P2RY8: variants seen among roughly 807,000 people sequenced by gnomAD.
P2RY8 encodes the protein S-geranylgeranyl-glutathione receptor P2RY8.
Under a neutral mutation model 10.0 loss-of-function variants are expected in P2RY8, and 6 were observed. The ratio of observed to expected loss-of-function variants is 0.60; its 90% CI spans 0.33 to 1.19. P2RY8 has a LOEUF of 1.19. P2RY8 is among the 50% of genes most tolerant of loss of function. The pLI is 0.04. For missense variants in P2RY8, 456 were observed against 542.0 expected (o/e 0.84, Z 1.58); for synonymous variants, 276 against 252.5 (o/e 1.09, Z -0.88).
Position 1,497,979 on chromosome X carries a change from G to C in P2RY8, c.-24-31397C>G, listed in dbSNP as rs761447300. Among the ~76,000 whole-genome samples the C allele has an allele frequency of 2.6e-5, 4 of 152,162 alleles. No homozygotes were observed. The South Asian group carries it at 8.3e-4, about 32-fold the overall frequency. ...GAGGGATGAGCAGTACACTCCCGCC[G>C]GGTGCCAGCCAACAGACACGGAGAG... On this transcript the variant is annotated intron_variant, in intron 1 of 1. Coordinates refer to ENST00000381297, the MANE Select transcript of P2RY8 (RefSeq NM_178129.5).
At chrX:1,503,588 C>T (rs1315287679) in intron 1 of P2RY8, among the ~76,000 whole-genome samples, 10 of 151,770 alleles carry the variant, frequency 6.6e-5, no homozygotes, top group African/African-American at 1.7e-4. Context: ...TGGTAAACCC[C>T]GTCTCTACTA....
intron 1 of P2RY8, among the ~76,000 whole-genome samples, chrX:1,511,076 A>T (rs1396011085): frequency 1.3e-5 from 2 of 151,892 alleles, no homozygotes; most frequent in African/African-American, 4.8e-5. Flanking sequence ...GCTACTCAGG[A>T]GGCTGAGGCA....
chrX:1,511,728 A>G (rs1471689739), intron 1 of P2RY8, among the ~76,000 whole-genome samples: 1 of 152,202 alleles, frequency 6.6e-6, no homozygotes, highest in Non-Finnish European at 1.5e-5. Context: ...TCTTGACGGC[A>G]CTGAGCATTG....
At chrX:1,515,955 G>GGC (rs1556684148) in intron 1 of P2RY8, among the ~76,000 whole-genome samples, 1 of 113,592 alleles carries the variant, frequency 8.8e-6, no homozygotes, top group African/African-American at 2.9e-5. Flanking sequence ...GTCGGGGGGT[G>GGC]GTGGATCACC....
At chrX:1,478,960 C>T (rs1329715707) in intron 1 of P2RY8, among the ~76,000 whole-genome samples, 1 of 152,222 alleles carries the variant, frequency 6.6e-6, no homozygotes, top group East Asian at 1.9e-4. Flanking sequence ...GGGGTTGATA[C>T]CACCACTTCC....
At chrX:1,491,665 G>A (rs1216814442) in intron 1 of P2RY8, among the ~76,000 whole-genome samples, 1 of 152,132 alleles carries the variant, frequency 6.6e-6, no homozygotes, top group African/African-American at 2.4e-5. Context: ...ATGAATGAAT[G>A]CCACTCTGAG....
intron 1 of P2RY8, among the ~76,000 whole-genome samples, chrX:1,484,434 T>A (rs2091967712): frequency 1.3e-5 from 2 of 151,866 alleles, no homozygotes; most frequent in South Asian, 4.2e-4. Context: ...GCACAAGAAA[T>A]TAACATTACA....
In P2RY8 at chrX:1,465,976, A is replaced by G. The variant is rs1356968948; in HGVS notation, c.583T>C (p.Phe195Leu). ...PSVAMWAVFL[F>L]TIFILLFLIP... ...AGGAACAGCAGGATGAAGATGGTGA[A>G]GAGGAACACGGCCCACATGGCCACG... is the stretch of plus-strand genomic sequence containing the variant. Residue 195 changes from phenylalanine (F) to leucine (L), a missense_variant, in exon 2 of 2, where the codon TTC becomes CTC. Transcript: ENST00000381297. 1 of 1,612,302 alleles carries G rather than the reference A, an allele frequency of 6.2e-7. No individual in the cohort carries two copies. The highest frequency in any genetic ancestry group is 1.3e-5 in the African/African-American group (1 of 74,900).
intron 1 of P2RY8, among the ~76,000 whole-genome samples, chrX:1,507,678 G>GC (rs1199982755): frequency 1.3e-5 from 2 of 152,008 alleles, no homozygotes; most frequent in Non-Finnish European, 2.9e-5. Context: ...CGCGATTTCC[G>GC]CCCCCCTGCC....
chrX:1,502,839 C>T (rs1450517498), intron 1 of P2RY8, among the ~76,000 whole-genome samples: 2 of 149,384 alleles, frequency 1.3e-5, no homozygotes, highest in African/African-American at 2.5e-5. Flanking sequence ...ATGACGCGGC[C>T]ACAAGCCCAG....
At chrX:1,480,296 C>CTT (rs10715183) in intron 1 of P2RY8, among the ~76,000 whole-genome samples, 1 of 147,266 alleles carries the variant, frequency 6.8e-6, no homozygotes, top group African/African-American at 2.5e-5. Context: ...TCTTTTCTTT[C>CTT]TTTTTTTTTT....
intron 1 of P2RY8, among the ~76,000 whole-genome samples, chrX:1,521,704 AGT>A: frequency 6.6e-6 from 1 of 152,190 alleles, no homozygotes; most frequent in Admixed American, 6.6e-5. Flanking sequence ...CTTAGAAGTG[AGT>A]TGCATGGGGT....
intron 1 of P2RY8, among the ~76,000 whole-genome samples, chrX:1,528,967 A>G (rs2092456953): frequency 6.6e-6 from 1 of 152,182 alleles, no homozygotes; most frequent in Non-Finnish European, 1.5e-5. Flanking sequence ...GCACTTTTTC[A>G]GTTCCCTTTG....
At chrX:1,497,332 T>A (rs1421902055) in intron 1 of P2RY8, among the ~76,000 whole-genome samples, 4 of 151,406 alleles carry the variant, frequency 2.6e-5, no homozygotes, top group Non-Finnish European at 5.9e-5. Flanking sequence ...TCTCTTTTTT[T>A]TTTTCAAGAC....
intron 1 of P2RY8, among the ~76,000 whole-genome samples, chrX:1,505,818 A>C (rs1328505510): frequency 6.6e-6 from 1 of 151,820 alleles, no homozygotes; most frequent in African/African-American, 2.4e-5. Flanking sequence ...AAACACAAAA[A>C]ACAAAAAACA....
intron 1 of P2RY8, among the ~76,000 whole-genome samples, chrX:1,494,732 G>C (rs141380249): frequency 0.011 from 1,632 of 152,252 alleles, 26 homozygotes; most frequent in Middle Eastern, 0.054. Flanking sequence ...TTGAGACTGA[G>C]TCTCGCTCTG....
At chrX:1,487,595 A>AGG (rs1458681558) in intron 1 of P2RY8, among the ~76,000 whole-genome samples, 1 of 152,064 alleles carries the variant, frequency 6.6e-6, no homozygotes, top group Non-Finnish European at 1.5e-5. Flanking sequence ...TGCGCCTCTG[A>AGG]GCCTGAACTC....
intron 1 of P2RY8, among the ~76,000 whole-genome samples, chrX:1,484,515 G>A (rs1287414228): frequency 2.0e-5 from 3 of 151,652 alleles, no homozygotes; most frequent in East Asian, 1.9e-4. Flanking sequence ...TCATGAGGTC[G>A]GAAGTTCGAG....
At chrX:1,529,368 C>T (rs1347550564) in intron 1 of P2RY8, among the ~76,000 whole-genome samples, 1 of 152,156 alleles carries the variant, frequency 6.6e-6, no homozygotes, top group Non-Finnish European at 1.5e-5. Flanking sequence ...CTTGCTTCTC[C>T]TTCCAGGTCT....
Sources: gnomAD v4.1 joint callset for allele counts (sites outside exome capture counted in the v4.1 genomes callset) on GRCh38, gnomAD v4.1.1 for gene constraint, MANE v1.5 for transcripts, NCBI Gene and HGNC (gene_info 2026-07-23, HGNC 2026-07-21) for gene names.